GALNT18: variants seen among roughly 807,000 people sequenced by gnomAD.
The protein encoded by GALNT18 is polypeptide N-acetylgalactosaminyltransferase 18.
Under a neutral mutation model 69.5 loss-of-function variants are expected in GALNT18, and 44 were observed. The ratio of observed to expected loss-of-function variants is 0.63; its 90% confidence interval spans 0.50 to 0.81. The LOEUF is 0.81. GALNT18 is among the 40% of genes least tolerant of loss of function. The probability of loss-of-function intolerance (pLI) is 0.00; values close to 1 mark genes in which losing one functional copy is unlikely to be tolerated. For missense variants in GALNT18, 715 were observed against 810.0 expected, an observed-to-expected ratio of 0.88 and a Z score of 1.42; for synonymous variants, 364 against 318.2, an observed-to-expected ratio of 1.14 and a Z score of -1.53.
chr11:11,312,409 T>G (rs1326984674), intron 9 of GALNT18, among the ~76,000 whole-genome samples: 1 of 152,052 alleles, frequency 6.6e-6, no homozygotes, highest in African/African-American at 2.4e-5. Flanking sequence ...AAAATAGAAA[T>G]AAGAAATCAC....
At chr11:11,608,076 C>T (rs1859796847) in intron 1 of GALNT18, among the ~76,000 whole-genome samples, 1 of 152,316 alleles carries the variant, frequency 6.6e-6, no homozygotes, top group South Asian at 2.1e-4. Context: ...CAACATGTCT[C>T]AGCTGAGATG....
chr11:11,540,391 GTT>G lies in GALNT18; in HGVS notation c.235+80966_235+80967del, dbSNP rs1015790758. Among the ~76,000 whole-genome samples the G allele has an allele frequency of 3.3e-5, 5 of 152,150 alleles. No homozygotes were observed. The highest frequency in any genetic ancestry group is 1.2e-4 in the African/African-American group (5 of 41,428). ...ATGCCAAGAGCCCTGGGTGGTTTGG[GTT>G]TGTTTTGTCCATACCCACACCGTGT... is the stretch of plus-strand genomic sequence containing the variant. On this transcript the variant is annotated intron_variant, in intron 1 of 10. Coordinates refer to ENST00000227756, the MANE Select transcript of GALNT18 (RefSeq NM_198516.3). The surrounding 1 kb of genome is among the most constrained non-coding windows in gnomAD (Gnocchi z 4.6).
In GALNT18 at chr11:11,511,832, C is replaced by T. The variant is rs576149297; in HGVS notation, c.236-62896G>A. ...CCCAGAAGAGGGCCCTCACCAGACCCGGACCACACTGGTACCCTGATCTGG... is the reference window on the plus strand; with the variant it reads ...CCCAGAAGAGGGCCCTCACCAGACCTGGACCACACTGGTACCCTGATCTGG... On this transcript the variant is annotated intron_variant, in intron 1 of 10. Transcript: ENST00000227756. The surrounding 1 kb of genome is among the most constrained non-coding windows in gnomAD (Gnocchi z 4.9). Among the ~76,000 whole-genome samples, 2 of 152,226 alleles carry T rather than the reference C, an allele frequency of 1.3e-5. No homozygotes were observed. The highest frequency in any genetic ancestry group is 6.5e-5 in the Admixed American group (1 of 15,298).
At chr11:11,388,418 C>T (rs1364160595) in intron 3 of GALNT18, among the ~76,000 whole-genome samples, 1 of 152,172 alleles carries the variant, frequency 6.6e-6, no homozygotes, top group African/African-American at 2.4e-5. Flanking sequence ...AAATGTTTAC[C>T]TGACCAGTTA....
chr11:11,358,826 A>AACACACAC (rs10644506), intron 6 of GALNT18, among the ~76,000 whole-genome samples: 21,610 of 110,768 alleles, frequency 0.2, 4,559 homozygotes, highest in East Asian at 0.29. Flanking sequence ...ATCCACACAA[A>AACACACAC]ACACACACAC....
At chr11:11,286,612 T>C (rs1008727525) in intron 10 of GALNT18, among the ~76,000 whole-genome samples, 2 of 150,526 alleles carry the variant, frequency 1.3e-5, no homozygotes, top group Non-Finnish European at 3.0e-5. Flanking sequence ...GGGACTTTGG[T>C]TAAGATTTGT....
intron 9 of GALNT18, among the ~76,000 whole-genome samples, chr11:11,324,509 T>G (rs9666329): frequency 6.6e-6 from 1 of 152,080 alleles, no homozygotes; most frequent in South Asian, 2.1e-4. Flanking sequence ...ATAGCAGGGA[T>G]GTATCTCAGA....
At chr11:11,462,317 C>A (rs1856062861) in intron 1 of GALNT18, among the ~76,000 whole-genome samples, 1 of 150,790 alleles carries the variant, frequency 6.6e-6, no homozygotes, top group African/African-American at 2.4e-5. Flanking sequence ...TGCTCTGTCG[C>A]CCAGGCTGGA....
chr11:11,460,553 A>C (rs1856016602), intron 1 of GALNT18, among the ~76,000 whole-genome samples: 1 of 151,652 alleles, frequency 6.6e-6, no homozygotes, highest in African/African-American at 2.4e-5. Context: ...ATCTCTGCCC[A>C]CTCCTCCCTG....
At chr11:11,594,098 C>T (rs765238079) in intron 1 of GALNT18, among the ~76,000 whole-genome samples, 1 of 152,214 alleles carries the variant, frequency 6.6e-6, no homozygotes, top group Non-Finnish European at 1.5e-5. Context: ...TGTATCTATA[C>T]ATGAGAGAGA....
chr11:11,371,819 T>C (rs1589946728), intron 6 of GALNT18, among the ~76,000 whole-genome samples: 2 of 152,220 alleles, frequency 1.3e-5, no homozygotes. Flanking sequence ...CATAGATTTA[T>C]GTTTTCACCG....
intron 1 of GALNT18, among the ~76,000 whole-genome samples, chr11:11,519,347 G>A (rs138970408): frequency 4.6e-5 from 7 of 152,350 alleles, no homozygotes; most frequent in Admixed American, 1.3e-4. Flanking sequence ...AAGGGGTCAA[G>A]GGAGAGAGTC....
rs375596533 is a variant in GALNT18 at position 11,615,986 on chromosome 11, TTTC to T, written c.235+5370_235+5372del. On this transcript the variant is annotated intron_variant, in intron 1 of 10. Coordinates refer to ENST00000227756, the MANE Select transcript of GALNT18 (RefSeq NM_198516.3). Reference sequence around the variant, plus strand: ...ACAAATCACAAACACTGAGTCTTTTTTTCTTCTTCTTCTTCTTCTTTTTTTCTT... The same window carrying T: ...ACAAATCACAAACACTGAGTCTTTTTTTCTTCTTCTTCTTCTTTTTTTCTT... 2.2e-3 allele frequency among the ~76,000 whole-genome samples: 339 copies of T among 152,276 alleles called. 2 individuals carry two copies. The highest frequency in any genetic ancestry group is 7.4e-3 in the African/African-American group (308 of 41,560).
Position 11,448,867 on chromosome 11 carries a change from C to T in GALNT18, c.305G>A (p.Gly102Asp). Reference sequence around the variant, plus strand: ...CCGGCCTTCGGGGCTGAGCTCCTGGCCCCAGTGTGCAAACAGAGAGGAGTC... The same window carrying T: ...CCGGCCTTCGGGGCTGAGCTCCTGGTCCCAGTGTGCAAACAGAGAGGAGTC... Reference protein sequence around the residue: ...FTDSSLFAHWGQELSPEGRRV... With the variant: ...FTDSSLFAHWDQELSPEGRRV... The change falls in exon 2 of 11, where the codon GGC becomes GAC. Residue 102 changes from glycine (G) to aspartate (D), a missense_variant. Coordinates refer to ENST00000227756, the MANE Select transcript of GALNT18 (RefSeq NM_198516.3). 1.9e-6 allele frequency: 3 copies of T among 1,608,598 alleles called. No homozygotes were observed. Among genetic ancestry groups the T allele is most frequent in the Admixed American group, 1.7e-5 (1 of 59,182 alleles).
In GALNT18 at chr11:11,497,785, C is replaced by T. The variant is rs1383091263; in HGVS notation, c.236-48849G>A. ...ATATATATACACACACACACACATA[C>T]ACACAAACCATAAACACTATTTCAA... is the stretch of plus-strand genomic sequence containing the variant. On this transcript the variant is annotated intron_variant, in intron 1 of 10. Transcript: ENST00000227756. The surrounding 1 kb of genome is among the most constrained non-coding windows in gnomAD (Gnocchi z 4.2). Among the ~76,000 whole-genome samples, 1 of 150,946 alleles carries T rather than the reference C, an allele frequency of 6.6e-6. No homozygotes were observed. The highest frequency in any genetic ancestry group is 2.4e-5 in the African/African-American group (1 of 41,088).
chr11:11,468,511 C>A (rs1341150134), intron 1 of GALNT18, among the ~76,000 whole-genome samples: 1 of 151,274 alleles, frequency 6.6e-6, no homozygotes. Flanking sequence ...TGAAGCAGTG[C>A]TCCCCAGCAT....
At chr11:11,481,796 C>T (rs1856537040) in intron 1 of GALNT18, among the ~76,000 whole-genome samples, 2 of 152,180 alleles carry the variant, frequency 1.3e-5, no homozygotes, top group South Asian at 4.1e-4. Flanking sequence ...GATGTCATCA[C>T]CCCTCCTACC....
chr11:11,411,682 G>A (rs1241665636), intron 3 of GALNT18, among the ~76,000 whole-genome samples: 1 of 152,228 alleles, frequency 6.6e-6, no homozygotes, highest in East Asian at 1.9e-4. Context: ...TCAAGGTGGA[G>A]CATGAGATGG....
intron 1 of GALNT18, among the ~76,000 whole-genome samples, chr11:11,514,685 G>T (rs2133918639): frequency 6.6e-6 from 1 of 152,298 alleles, no homozygotes; most frequent in African/African-American, 2.4e-5. Flanking sequence ...GCTGACCTGT[G>T]CTCCCAGCTG....
Sources: allele counts gnomAD v4.1 joint callset (sites outside exome capture counted in the v4.1 genomes callset), GRCh38; gene constraint gnomAD v4.1.1; non-coding constraint Gnocchi (gnomAD v3.1); transcripts MANE v1.5; gene names NCBI Gene and HGNC (gene_info 2026-07-23, HGNC 2026-07-21).